Variants in DYM observed in about 807,000 individuals in gnomAD.
DYM encodes the protein dyggve-Melchior-Clausen syndrome protein.
Under a neutral mutation model 93.1 loss-of-function variants are expected in DYM, and 78 were observed. The ratio of observed to expected loss-of-function variants is 0.84; its 90% CI spans 0.70 to 1.01. The LOEUF (loss-of-function observed/expected upper bound fraction) is 1.01, where lower values mean the gene tolerates loss of function less well. Ranked by LOEUF, DYM falls within the 50% of genes least tolerant of loss-of-function variation. DYM has a pLI of 0.00. For missense variants in DYM, 789 were observed against 845.0 expected, an observed-to-expected ratio of 0.93 and a Z score of 0.82; for synonymous variants, 321 against 319.7, an observed-to-expected ratio of 1.00 and a Z score of -0.04.
intron 14 of DYM, among the ~76,000 whole-genome samples, chr18:49,170,446 A>T (rs919542688): frequency 3.9e-5 from 6 of 152,104 alleles, no homozygotes; most frequent in Admixed American, 6.6e-5. Flanking sequence ...TGCAATCACA[A>T]AAGTGGAGGT....
At chr18:49,331,842 G>GA (rs762990918) in intron 8 of DYM, 22 bp downstream of exon 8, 12 of 1,613,638 alleles carry the variant, frequency 7.4e-6, no homozygotes, top group East Asian at 2.2e-5. Flanking sequence ...CCAAAGAATT[G>GA]AAAAAATCTG....
intron 13 of DYM, among the ~76,000 whole-genome samples, chr18:49,224,086 T>C (rs1266320555): frequency 6.6e-6 from 1 of 152,068 alleles, no homozygotes; most frequent in South Asian, 2.1e-4. Flanking sequence ...TAAAGGAGAA[T>C]GAATGGATTT....
intron 14 of DYM, among the ~76,000 whole-genome samples, chr18:49,198,358 A>G (rs1233858871): frequency 6.6e-6 from 1 of 152,126 alleles, no homozygotes; most frequent in African/African-American, 2.4e-5. Context: ...AAACAATGGC[A>G]ACAAAAGCCA....
At chr18:49,350,443 T>C (rs753753160) in intron 6 of DYM, among the ~76,000 whole-genome samples, 7 of 152,118 alleles carry the variant, frequency 4.6e-5, no homozygotes, top group Non-Finnish European at 8.8e-5. Flanking sequence ...CGCAGTGGCT[T>C]ACGTCTGTAA....
intron 17 of DYM, among the ~76,000 whole-genome samples, chr18:49,095,630 C>G (rs1333139395): frequency 1.3e-5 from 2 of 152,112 alleles, no homozygotes; most frequent in African/African-American, 2.4e-5. Flanking sequence ...TGCTCTAAAT[C>G]AGAGTCAACT....
At chr18:49,177,831 T>A (rs998706855) in intron 14 of DYM, among the ~76,000 whole-genome samples, 1 of 152,156 alleles carries the variant, frequency 6.6e-6, no homozygotes, top group Non-Finnish European at 1.5e-5. Flanking sequence ...CTCCTGTATA[T>A]ACCAATGGTT....
At chr18:49,131,578 T>C (rs1474951747) in intron 15 of DYM, among the ~76,000 whole-genome samples, 2 of 152,188 alleles carry the variant, frequency 1.3e-5, no homozygotes, top group Non-Finnish European at 2.9e-5. Context: ...CACATCTTTG[T>C]GTAACCTTAA....
chr18:49,275,614 T>C (rs866158887), intron 10 of DYM, among the ~76,000 whole-genome samples: 3 of 152,124 alleles, frequency 2.0e-5, no homozygotes, highest in Non-Finnish European at 4.4e-5. Flanking sequence ...TGGTGGCTCA[T>C]GCCTGTAATC....
rs779093700 is a variant in DYM, at chr18:49,044,223, G to A, written c.2026-19C>T. ...GAAATTTCTGCAATGAAAATAAGAT[G>A]ATTTTATAATCCCACAGTTCCATGC... On this transcript the variant is annotated intron_variant, in intron 17 of 17. Coordinates refer to ENST00000675505, the MANE Select transcript of DYM (RefSeq NM_001353214.3). The A allele has an allele frequency of 1.2e-6, 2 of 1,613,802 alleles. No individual in the cohort carries two copies. Among genetic ancestry groups the A allele is most frequent in the Non-Finnish European group, 1.7e-6 (2 of 1,179,888 alleles).
chr18:49,113,603 T>A (rs1285644358), intron 16 of DYM, among the ~76,000 whole-genome samples: 1 of 152,196 alleles, frequency 6.6e-6, no homozygotes, highest in Non-Finnish European at 1.5e-5. Flanking sequence ...TAGATTCGTC[T>A]CCTCCACCAA....
intron 17 of DYM, among the ~76,000 whole-genome samples, chr18:49,089,704 C>A (rs116972671): frequency 2.0e-5 from 3 of 152,084 alleles, no homozygotes; most frequent in Non-Finnish European, 4.4e-5. Context: ...GGATCCGGAA[C>A]CTGCATATGA....
At chr18:49,253,736 C>G (rs988402327) in intron 13 of DYM, among the ~76,000 whole-genome samples, 3 of 152,180 alleles carry the variant, frequency 2.0e-5, no homozygotes, top group African/African-American at 7.2e-5. Flanking sequence ...GACAAACAGA[C>G]CATGATACTA....
chr18:49,122,448 C>A (rs914750110), intron 15 of DYM, among the ~76,000 whole-genome samples: 2 of 152,110 alleles, frequency 1.3e-5, no homozygotes, highest in Admixed American at 6.6e-5. Context: ...GTGAACTGCA[C>A]GTGTGAGGGA....
chr18:49,069,466 C>T (rs902962071), intron 17 of DYM, among the ~76,000 whole-genome samples: 3 of 152,168 alleles, frequency 2.0e-5, no homozygotes, highest in African/African-American at 2.4e-5. Flanking sequence ...TCTTCAGGGT[C>T]ATGACTGCCA....
chr18:49,074,503 G>A (rs2077146090), intron 17 of DYM, among the ~76,000 whole-genome samples: 2 of 152,118 alleles, frequency 1.3e-5, no homozygotes, highest in African/African-American at 4.8e-5. Flanking sequence ...TTGTGCTTAG[G>A]AACCATTTCA....
chr18:49,404,160 A>G (rs185577057), intron 2 of DYM, among the ~76,000 whole-genome samples: 48 of 152,218 alleles, frequency 3.2e-4, no homozygotes, highest in African/African-American at 1.1e-3. Flanking sequence ...GGTGTATGCC[A>G]CCACACCTGG....
intron 5 of DYM, among the ~76,000 whole-genome samples, chr18:49,364,515 T>C (rs574349249): frequency 2.6e-5 from 4 of 152,084 alleles, no homozygotes; most frequent in South Asian, 2.1e-4. Context: ...TAGTTAGTAT[T>C]GTAGTTCCAA....
At chr18:49,198,982 T>C (rs1166779104) in intron 14 of DYM, among the ~76,000 whole-genome samples, 1 of 152,078 alleles carries the variant, frequency 6.6e-6, no homozygotes, top group Non-Finnish European at 1.5e-5. Context: ...CCAAGCCAAA[T>C]GTCCAACAAT....
chr18:49,423,426 C>T (rs886180566), intron 2 of DYM, among the ~76,000 whole-genome samples: 23 of 152,000 alleles, frequency 1.5e-4, no homozygotes, highest in African/African-American at 5.3e-4. Context: ...GCACTAAATG[C>T]CCACAAGAGA....
Sources: gnomAD v4.1 joint callset for allele counts (sites outside exome capture counted in the v4.1 genomes callset) on GRCh38, gnomAD v4.1.1 for gene constraint, MANE v1.5 for transcripts, NCBI Gene and HGNC (gene_info 2026-07-23, HGNC 2026-07-21) for gene names.